Variants in XKR4 observed in about 807,000 individuals in gnomAD.
XKR4 encodes the protein XK related 4, also known as XK-related protein 4.
XKR4 carries 12 observed loss-of-function variants against 53.9 expected under a neutral mutation model. The observed-to-expected ratio is 0.22, with a 90% CI of 0.14 to 0.36. The LOEUF (loss-of-function observed/expected upper bound fraction) is 0.36, where lower values mean the gene tolerates loss of function less well. Among genes scored for constraint, XKR4 ranks in the 10% least tolerant of loss-of-function variants. The pLI, the probability that XKR4 is intolerant of heterozygous loss-of-function variation, is 1.00. For missense variants in XKR4, 799 were observed against 859.5 expected, an observed-to-expected ratio of 0.93 and a Z score of 0.88; for synonymous variants, 354 against 362.4, an observed-to-expected ratio of 0.98 and a Z score of 0.26.
At chr8:55,419,403 C>T (rs942493417) in intron 2 of XKR4, among the ~76,000 whole-genome samples, 1 of 152,168 alleles carries the variant, frequency 6.6e-6, no homozygotes. Flanking sequence ...TTCCATGACA[C>T]AACACCTCAT....
chr8:55,458,704 C>T (rs1805606678), intron 2 of XKR4, among the ~76,000 whole-genome samples: 1 of 152,224 alleles, frequency 6.6e-6, no homozygotes, highest in African/African-American at 2.4e-5. Flanking sequence ...ACAAACTCTT[C>T]TCTGAGGTCC....
intron 2 of XKR4, among the ~76,000 whole-genome samples, chr8:55,381,399 G>A (rs143545899): frequency 6.6e-6 from 1 of 152,122 alleles, no homozygotes; most frequent in African/African-American, 2.4e-5. Flanking sequence ...GAGGCTAAAA[G>A]GTCCCACTCT....
chr8:55,522,607 A>T (rs1412284745), intron 2 of XKR4, among the ~76,000 whole-genome samples: 1 of 152,220 alleles, frequency 6.6e-6, no homozygotes, highest in Non-Finnish European at 1.5e-5. Context: ...TCAATCATGG[A>T]ATCACAAAGC....
At chr8:55,454,464 C>CATGGAGCACGAG in intron 2 of XKR4, 1 of 1,181,806 alleles carries the variant, frequency 8.5e-7, no homozygotes, top group Non-Finnish European at 1.2e-6. Flanking sequence ...AAGAGAACCT[C>CATGGAGCACGAG]GTGCTCCATG....
intron 1 of XKR4, among the ~76,000 whole-genome samples, chr8:55,154,678 C>G (rs763543259): frequency 6.6e-6 from 1 of 152,136 alleles, no homozygotes; most frequent in Non-Finnish European, 1.5e-5. Context: ...GGGAGATATA[C>G]TGGGGCCAGA....
At chr8:55,153,666 T>G (rs1333158891) in intron 1 of XKR4, among the ~76,000 whole-genome samples, 1 of 152,224 alleles carries the variant, frequency 6.6e-6, no homozygotes, top group Non-Finnish European at 1.5e-5. Context: ...TAAGAAGAAT[T>G]CCTTTCTCTT....
chr8:55,354,587 C>G (rs1803772009), intron 1 of XKR4, among the ~76,000 whole-genome samples: 1 of 152,086 alleles, frequency 6.6e-6, no homozygotes, highest in South Asian at 2.1e-4. Flanking sequence ...TCCTGGCCCA[C>G]TCATCCCTCC....
chr8:55,376,994 G>A (rs141968217), intron 2 of XKR4, among the ~76,000 whole-genome samples: 1,674 of 147,102 alleles, frequency 0.011, 24 homozygotes, highest in African/African-American at 0.04. Context: ...AGAGAGAGAC[G>A]GACCCACAAA....
intron 1 of XKR4, among the ~76,000 whole-genome samples, 184 bp downstream of exon 1, chr8:55,103,478 G>A (rs1816088952): frequency 6.6e-6 from 1 of 151,998 alleles, no homozygotes; most frequent in Admixed American, 6.6e-5. Flanking sequence ...GTCTAGGGTG[G>A]GAGGGAAGTG....
rs1027690513 is a variant in XKR4 at position 55,173,293 on chromosome 8, CT to C, written c.806+70011del. Reference sequence around the variant, plus strand: ...CATGGCACAGGGGCTCCCATCAACACTTTTTTTTTTTTAATTATTGTTGGTA... The same window carrying C: ...CATGGCACAGGGGCTCCCATCAACACTTTTTTTTTTTAATTATTGTTGGTA... On this transcript the variant is annotated intron_variant, in intron 1 of 2. Coordinates refer to ENST00000327381, the MANE Select transcript of XKR4 (RefSeq NM_052898.2). 4.5e-3 allele frequency among the ~76,000 whole-genome samples: 656 copies of C among 146,368 alleles called. 4 individuals are homozygous for C. Among genetic ancestry groups the C allele is most frequent in the African/African-American group, 0.011 (457 of 40,220 alleles).
At chr8:55,170,153 G>C (rs1478062930) in intron 1 of XKR4, among the ~76,000 whole-genome samples, 2 of 152,170 alleles carry the variant, frequency 1.3e-5, no homozygotes, top group African/African-American at 2.4e-5. Context: ...TGATGAGCTA[G>C]TCAAGTTTGT....
At chr8:55,302,357 C>G (rs1735636488) in intron 1 of XKR4, among the ~76,000 whole-genome samples, 1 of 150,978 alleles carries the variant, frequency 6.6e-6, no homozygotes, top group Admixed American at 6.6e-5. Context: ...TGATCTATAT[C>G]TCTGTTTTGG....
At chr8:55,174,919 G>A (rs1042722792) in intron 1 of XKR4, among the ~76,000 whole-genome samples, 1 of 152,190 alleles carries the variant, frequency 6.6e-6, no homozygotes, top group Admixed American at 6.5e-5. Flanking sequence ...TGCTCTCTAG[G>A]ATCTCATTAG....
chr8:55,449,783 T>C, intron 2 of XKR4: 1 of 1,185,380 alleles, frequency 8.4e-7, no homozygotes, highest in Non-Finnish European at 1.3e-6. Flanking sequence ...CCAGCGGGCC[T>C]TCCAGGGCTT....
intron 1 of XKR4, among the ~76,000 whole-genome samples, chr8:55,317,966 G>A (rs1319730381): frequency 6.6e-6 from 1 of 152,178 alleles, no homozygotes; most frequent in Non-Finnish European, 1.5e-5. Flanking sequence ...AGGAAGCCAG[G>A]TCATGAAATG....
At chr8:55,414,538 T>C (rs539977474) in intron 2 of XKR4, among the ~76,000 whole-genome samples, 1 of 149,492 alleles carries the variant, frequency 6.7e-6, no homozygotes, top group Non-Finnish European at 1.5e-5. Flanking sequence ...ATGTAGATTA[T>C]ATATAGAGAT....
intron 2 of XKR4, among the ~76,000 whole-genome samples, chr8:55,514,735 C>T (rs1052345563): frequency 1.3e-5 from 2 of 152,026 alleles, no homozygotes; most frequent in Non-Finnish European, 2.9e-5. Context: ...AATAAACTTA[C>T]CCTAAACAAA....
At chr8:55,349,938 C>T (rs1479768191) in intron 1 of XKR4, among the ~76,000 whole-genome samples, 1 of 152,082 alleles carries the variant, frequency 6.6e-6, no homozygotes, top group African/African-American at 2.4e-5. Flanking sequence ...ATAACAATGA[C>T]ACATGATCCC....
At chr8:55,427,160 T>C (rs1180512892) in intron 2 of XKR4, among the ~76,000 whole-genome samples, 3 of 152,204 alleles carry the variant, frequency 2.0e-5, no homozygotes, top group Non-Finnish European at 4.4e-5. Context: ...TGTTCAGCAG[T>C]TATCTAAAAA....
Sources: allele counts gnomAD v4.1 joint callset (sites outside exome capture counted in the v4.1 genomes callset), GRCh38; gene constraint gnomAD v4.1.1; transcripts MANE v1.5; gene names NCBI Gene and HGNC (gene_info 2026-07-23, HGNC 2026-07-21).